The following UGT2A1 variants were observed in gnomAD, a reference collection of about 807,000 sequenced individuals.
The protein encoded by UGT2A1 is UDP-glucuronosyltransferase 2A1.
Under a neutral mutation model 45.4 loss-of-function variants are expected in UGT2A1, and 61 were observed. That is an observed-to-expected ratio of 1.34 (90% CI 1.09 to 1.66). The LOEUF (loss-of-function observed/expected upper bound fraction) is 1.66. Among genes scored for constraint, UGT2A1 ranks in the 40% most tolerant of loss-of-function variants. The probability of loss-of-function intolerance (pLI) is 0.00; values close to 1 mark genes in which losing one functional copy is unlikely to be tolerated. For synonymous variants in UGT2A1, 229 were observed against 196.2 expected (o/e 1.17, Z -1.40); for missense variants, 649 against 574.3 (o/e 1.13, Z -1.33).
rs115440468 is a variant in UGT2A1 at position 69,622,689 on chromosome 4, T to C, written c.847+13002A>G. Among the ~76,000 whole-genome samples, 457 of 151,920 alleles carry C rather than the reference T, an allele frequency of 3.0e-3. 4 individuals are homozygous for C. The highest frequency in any genetic ancestry group is 0.011 in the African/African-American group (437 of 41,514). On this transcript the variant is annotated intron_variant, in intron 3 of 6. Transcript: ENST00000286604. ...CATGCATTGAGGATTTCATGTGTTA[T>C]GAACTTCAATTCTATACTTGATGTC...
At chr4:69,629,865 TCA>T (rs1208675966) in intron 3 of UGT2A1, among the ~76,000 whole-genome samples, 2 of 152,086 alleles carry the variant, frequency 1.3e-5, no homozygotes, top group Non-Finnish European at 2.9e-5. Context: ...TCATCGAGTC[TCA>T]GAGTAGATCC....
intron 6 of UGT2A1, among the ~76,000 whole-genome samples, chr4:69,593,113 A>G (rs1049892410): frequency 9.9e-5 from 15 of 152,256 alleles, no homozygotes; most frequent in African/African-American, 3.6e-4. Context: ...ATTCAGATAA[A>G]AGTCATTCTC....
chr4:69,589,388 T>G lies in UGT2A1; in HGVS notation c.1568A>C (p.Lys523Thr), dbSNP rs1718447764. The change falls in exon 7 of 7, where the codon AAG becomes ACG. Residue 523 changes from lysine (K) to threonine (T), a missense_variant. By Grantham distance (78) the Lys-to-Thr change is moderately conservative. Transcript: ENST00000286604. ...SCQKFGKIGK[K>T]KKRE ...TTTCTTGACCTATTCTCTTTTTTTC[T>G]TCTTTCCTATCTTACCAAATTTTTG... is the stretch of plus-strand genomic sequence containing the variant. 1 of 1,611,438 alleles carries G rather than the reference T, an allele frequency of 6.2e-7. No individual in the cohort carries two copies. Among genetic ancestry groups the G allele is most frequent in the African/African-American group, 1.3e-5 (1 of 74,702 alleles).
chr4:69,641,322 T>G (rs1400478289), intron 2 of UGT2A1, among the ~76,000 whole-genome samples: 1 of 151,960 alleles, frequency 6.6e-6, no homozygotes, highest in Non-Finnish European at 1.5e-5. Flanking sequence ...ACATTTTGTT[T>G]AGTAAAATGT....
chr4:69,625,715 A>G (rs1721017709), intron 3 of UGT2A1, among the ~76,000 whole-genome samples: 1 of 151,502 alleles, frequency 6.6e-6, no homozygotes, highest in African/African-American at 2.4e-5. Flanking sequence ...TAAATTTAAA[A>G]TTTACATACA....
chr4:69,591,610 A>C (rs573875721), intron 6 of UGT2A1, among the ~76,000 whole-genome samples: 6 of 152,224 alleles, frequency 3.9e-5, no homozygotes, highest in Admixed American at 3.9e-4. Context: ...TTTGACCCTC[A>C]TTTCCCATCA....
intron 2 of UGT2A1, among the ~76,000 whole-genome samples, chr4:69,641,918 A>G (rs186414598): frequency 1.1e-4 from 16 of 151,840 alleles, no homozygotes; most frequent in African/African-American, 3.4e-4. Flanking sequence ...AAATGATCAA[A>G]TTAATCCGAT....
At chr4:69,607,122 GC>G (rs778778515) in intron 3 of UGT2A1, among the ~76,000 whole-genome samples, 19,254 of 143,528 alleles carry the variant, frequency 0.13, 1,755 homozygotes, top group Non-Finnish European at 0.17. Flanking sequence ...TCAATCCTAA[GC>G]CAAAAGAACA....
At chr4:69,590,619 G>A (rs1336036777) in intron 6 of UGT2A1, among the ~76,000 whole-genome samples, 1 of 149,388 alleles carries the variant, frequency 6.7e-6, no homozygotes, top group Non-Finnish European at 1.5e-5. Context: ...TCAGCAGCAG[G>A]AGTAGTTTAC....
chr4:69,647,992 C>T (rs1432329), intron 1 of UGT2A1, among the ~76,000 whole-genome samples: 112,864 of 151,496 alleles, frequency 0.74, 42,196 homozygotes, highest in South Asian at 0.79. Flanking sequence ...AGCTTCTGTA[C>T]ATCTCAACTC....
chr4:69,599,511 C>T (rs543333371), intron 3 of UGT2A1, 117 bp from the exon 4 acceptor site: 16 of 1,403,670 alleles, frequency 1.1e-5, no homozygotes, highest in Admixed American at 7.3e-5. Flanking sequence ...ATTAGGTCTT[C>T]TAGAATACTT....
intron 3 of UGT2A1, among the ~76,000 whole-genome samples, chr4:69,634,332 A>C (rs1376669968): frequency 6.6e-6 from 1 of 152,070 alleles, no homozygotes; most frequent in African/African-American, 2.4e-5. Flanking sequence ...TATAAGAAGG[A>C]ATTGGAAGGC....
chr4:69,607,772 C>T (rs1719744632), intron 3 of UGT2A1, among the ~76,000 whole-genome samples: 1 of 152,174 alleles, frequency 6.6e-6, no homozygotes. Context: ...TATGAACAGA[C>T]ACTTCTCAAA....
intron 2 of UGT2A1, among the ~76,000 whole-genome samples, chr4:69,639,855 G>T (rs746486220): frequency 6.6e-6 from 1 of 151,952 alleles, no homozygotes; most frequent in Non-Finnish European, 1.5e-5. Context: ...AGAAAAGGAA[G>T]CACGGGGTTA....
At chr4:69,649,703 CAT>C (rs1722434551) in intron 1 of UGT2A1, among the ~76,000 whole-genome samples, 3 of 152,192 alleles carry the variant, frequency 2.0e-5, no homozygotes, top group Non-Finnish European at 2.9e-5. Context: ...TATACATATA[CAT>C]GCTGTGGGCT....
At chr4:69,647,991 A>G (rs2109981269) in intron 1 of UGT2A1, among the ~76,000 whole-genome samples, 1 of 151,878 alleles carries the variant, frequency 6.6e-6, no homozygotes, top group East Asian at 1.9e-4. Context: ...AAGCTTCTGT[A>G]CATCTCAACT....
intron 6 of UGT2A1, among the ~76,000 whole-genome samples, chr4:69,591,514 C>T (rs912429915): frequency 1.5e-4 from 23 of 152,172 alleles, no homozygotes; most frequent in Admixed American, 1.2e-3. Flanking sequence ...AGGTAGTAGG[C>T]TTCAGAGAGA....
In UGT2A1 at chr4:69,646,980, A is replaced by C; in HGVS notation, c.665T>G (p.Met222Arg). ...CCATGATTTCCAAAGAGTTTCAAAC[A>C]TGTAGTCCTGTAGGTGGTAGGAGAT... is the stretch of plus-strand genomic sequence containing the variant. Reference protein sequence around the residue: ...NFISYHLQDYMFETLWKSWDS... With the variant: ...NFISYHLQDYRFETLWKSWDS... Residue 222 changes from methionine (M) to arginine (R), a missense_variant, in exon 2 of 7, where the codon ATG (methionine) becomes AGG (arginine). Met to Arg is a moderately conservative substitution (Grantham distance 91). Coordinates refer to ENST00000286604, the MANE Select transcript of UGT2A1 (RefSeq NM_001252275.3). 1 of 1,609,820 alleles carries C rather than the reference A, an allele frequency of 6.2e-7. No individual in the cohort carries two copies. Among genetic ancestry groups the C allele is most frequent in the Non-Finnish European group, 8.5e-7 (1 of 1,177,960 alleles).
At position 69,647,453 on chromosome 4, in the gene UGT2A1, G is replaced by A; in HGVS notation, c.192C>T (p.Thr64=). ...VASGALFITP[T]SNPSLTFEIY... is the part of the protein sequence containing the mutation. ...TTTCAAATGTCAGAGATGGGTTAGAGGTTGGTGTGATGAAAAGTGCACCAG... is the reference window on the plus strand; with the variant it reads ...TTTCAAATGTCAGAGATGGGTTAGAAGTTGGTGTGATGAAAAGTGCACCAG... The change falls in exon 2 of 7, where the codon ACC becomes ACT. Residue 64 remains threonine, a synonymous_variant. Coordinates refer to ENST00000286604, the MANE Select transcript of UGT2A1 (RefSeq NM_001252275.3). 2 of 1,613,046 alleles carry A rather than the reference G, an allele frequency of 1.2e-6. No homozygotes were observed. Among genetic ancestry groups the A allele is most frequent in the South Asian group, 1.1e-5 (1 of 90,978 alleles).
Sources: gnomAD v4.1 joint callset for allele counts (sites outside exome capture counted in the v4.1 genomes callset) on GRCh38, gnomAD v4.1.1 for gene constraint, MANE v1.5 for transcripts, NCBI Gene and HGNC (gene_info 2026-07-23, HGNC 2026-07-21) for gene names.